The following ZNF782 variants were observed in gnomAD, a reference collection of about 807,000 sequenced individuals.
The protein encoded by ZNF782 is zinc finger protein 782.
ZNF782 carries 12 observed loss-of-function variants against 13.0 expected under a neutral mutation model. The observed-to-expected ratio is 0.92, with a 90% confidence interval of 0.59 to 1.50. The LOEUF (loss-of-function observed/expected upper bound fraction) is 1.50, where lower values mean the gene tolerates loss of function less well. Ranked by LOEUF, ZNF782 falls within the 40% of genes most tolerant of loss-of-function variation. The probability of loss-of-function intolerance (pLI) is 0.00; values close to 1 mark genes in which losing one functional copy is unlikely to be tolerated. For missense variants in ZNF782, 770 were observed against 822.9 expected (o/e 0.94, Z 0.79); for synonymous variants, 284 against 283.0 (o/e 1.00, Z -0.04).
chr9:96,888,743 G>C, the ZNF782 span: 1 of 152,202 alleles, frequency 6.6e-6, no homozygotes, highest in Non-Finnish European at 1.5e-5. Context: ...GCTCTCAGAG[G>C]CACACAGAAG....
At chr9:96,836,034 G>T (rs2118597537) in intron 4 of ZNF782, among the ~76,000 whole-genome samples, 1 of 152,306 alleles carries the variant, frequency 6.6e-6, no homozygotes, top group South Asian at 2.1e-4. Context: ...GCTGGGCAGA[G>T]AGAAGCCATG....
intron 1 of ZNF782, chr9:96,875,449 G>C: frequency 2.2e-6 from 1 of 456,500 alleles, no homozygotes; most frequent in East Asian, 7.0e-5. Flanking sequence ...CCCGGTTCCC[G>C]CCCTCGCCCC....
intron 3 of ZNF782, among the ~76,000 whole-genome samples, chr9:96,846,537 G>A (rs1046179699): frequency 1.3e-5 from 2 of 152,006 alleles, no homozygotes; most frequent in East Asian, 3.9e-4. Flanking sequence ...GCAAGCAGGA[G>A]TAGCTATTCT....
chr9:96,925,676 G>C, the ZNF782 span, among the ~76,000 whole-genome samples: 2 of 148,468 alleles, frequency 1.3e-5, no homozygotes, highest in African/African-American at 2.5e-5. Context: ...TCACTGACTT[G>C]AGTTTGTAGT....
At chr9:96,854,945 T>A (rs905559472), upstream of ZNF782, among the ~76,000 whole-genome samples, 1 of 152,084 alleles carries the variant, frequency 6.6e-6, no homozygotes, top group African/African-American at 2.4e-5. Flanking sequence ...ACTACTGAAG[T>A]ATTTAGCATT....
At chr9:96,826,698 G>A (rs1229956288) in intron 5 of ZNF782, among the ~76,000 whole-genome samples, 2 of 152,134 alleles carry the variant, frequency 1.3e-5, no homozygotes, top group African/African-American at 2.4e-5. Context: ...GGGGCTCACC[G>A]TGCCAGCCCT....
At chr9:96,836,374 T>C (rs1346199501) in intron 4 of ZNF782, among the ~76,000 whole-genome samples, 2 of 152,112 alleles carry the variant, frequency 1.3e-5, no homozygotes, top group Non-Finnish European at 2.9e-5. Flanking sequence ...CACATCTGGC[T>C]AATTTTTGTA....
At chr9:96,872,601 C>G (rs1197774906) in intron 1 of ZNF782, among the ~76,000 whole-genome samples, 1 of 152,068 alleles carries the variant, frequency 6.6e-6, no homozygotes, top group African/African-American at 2.4e-5. Flanking sequence ...CTCTGCGTAA[C>G]TTAAATGATT....
intron 1 of ZNF782, among the ~76,000 whole-genome samples, 192 bp downstream of exon 1, chr9:96,853,896 T>C (rs2118832777): frequency 6.6e-6 from 1 of 152,352 alleles, no homozygotes; most frequent in South Asian, 2.1e-4. Context: ...GTCTTCTAAA[T>C]ATAACAGCAG....
chr9:96,828,050 A>G (rs1280619274), intron 4 of ZNF782, among the ~76,000 whole-genome samples: 1 of 152,256 alleles, frequency 6.6e-6, no homozygotes, highest in Non-Finnish European at 1.5e-5. Flanking sequence ...CTATACTGAT[A>G]TAAAATGTTG....
intron 4 of ZNF782, among the ~76,000 whole-genome samples, chr9:96,840,034 T>C (rs1478210625): frequency 6.6e-6 from 1 of 152,204 alleles, no homozygotes; most frequent in East Asian, 1.9e-4. Context: ...ACTGTATATG[T>C]TGCTGAGTAA....
At chr9:96,876,971 A>AAAAAAAG (rs1851900809), upstream of ZNF782, among the ~76,000 whole-genome samples, 6 of 128,024 alleles carry the variant, frequency 4.7e-5, no homozygotes, top group Non-Finnish European at 7.6e-5. Flanking sequence ...AAAAAAAAAA[A>AAAAAAAG]AAGAAGAAGA....
At chr9:96,878,696 A>G (rs1292374757), upstream of ZNF782, among the ~76,000 whole-genome samples, 2 of 152,328 alleles carry the variant, frequency 1.3e-5, no homozygotes, top group East Asian at 3.9e-4. Flanking sequence ...ATTCTTTGTG[A>G]TGGATGTTTG....
intron 3 of ZNF782, among the ~76,000 whole-genome samples, chr9:96,848,266 C>T (rs1018764976): frequency 3.3e-5 from 5 of 152,098 alleles, no homozygotes. Context: ...GACAAGGATG[C>T]CCGCTTTCAC....
chr9:96,933,207 T>C, the ZNF782 span, among the ~76,000 whole-genome samples: 18 of 150,976 alleles, frequency 1.2e-4, no homozygotes, highest in South Asian at 1.3e-3. Context: ...CTCAATCTCC[T>C]GCCCTGGTGA....
chr9:96,819,592 G>A lies in ZNF782; in HGVS notation c.431C>T (p.Ala144Val). The A allele has an allele frequency of 6.2e-7, 1 of 1,613,840 alleles. No individual in the cohort carries two copies. Among genetic ancestry groups the A allele is most frequent in the Non-Finnish European group, 8.5e-7 (1 of 1,179,956 alleles). Reference sequence around the variant, plus strand: ...GGCCATCAGGCTGAGCCCCTGGCAAGCAGACCCCGCAATGTCACATTTACA... The same window carrying A: ...GGCCATCAGGCTGAGCCCCTGGCAAACAGACCCCGCAATGTCACATTTACA... ...MPCKCDIAGS[A>V]CQGLSLMAPH... The change falls in exon 6 of 6, where the codon GCT becomes GTT. Residue 144 changes from alanine to valine, a missense_variant. Ala to Val is a moderately conservative substitution (Grantham distance 64, BLOSUM62 0). Transcript: ENST00000481138.
chr9:96,879,059 T>C (rs535743540), upstream of ZNF782, among the ~76,000 whole-genome samples: 39 of 152,312 alleles, frequency 2.6e-4, no homozygotes, highest in African/African-American at 8.9e-4. Flanking sequence ...AAGAAAGTGG[T>C]CCAAACATAT....
chr9:96,844,738 T>C, intron 4 of ZNF782, 152 bp downstream of exon 4: 1 of 1,011,670 alleles, frequency 9.9e-7, no homozygotes, highest in Non-Finnish European at 1.5e-6. Context: ...TTTTATTTTC[T>C]GTTAAGTATA....
chr9:96,846,568 T>G (rs1851344930), intron 3 of ZNF782, among the ~76,000 whole-genome samples: 1 of 151,952 alleles, frequency 6.6e-6, no homozygotes, highest in Non-Finnish European at 1.5e-5. Flanking sequence ...AAAACGGACT[T>G]CAAAGAAAAT....
Sources: allele counts gnomAD v4.1 joint callset (sites outside exome capture counted in the v4.1 genomes callset), GRCh38; gene constraint gnomAD v4.1.1; transcripts MANE v1.5; gene names NCBI Gene and HGNC (gene_info 2026-07-23, HGNC 2026-07-21).